Variants in PLXNA1 observed in about 807,000 individuals in gnomAD.
PLXNA1 encodes the protein plexin A1.
In PLXNA1, 77 loss-of-function variants were observed where a neutral mutation model predicts 191.7. The ratio of observed to expected loss-of-function variants is 0.40; its 90% CI spans 0.33 to 0.49. The LOEUF is 0.49. PLXNA1 is among the 20% of genes least tolerant of loss of function. The probability of loss-of-function intolerance (pLI) is 0.63; values close to 1 mark genes in which losing one functional copy is unlikely to be tolerated. For synonymous variants in PLXNA1, 1,137 were observed against 1,156.4 expected (o/e 0.98, Z 0.34); for missense variants, 2,110 against 2,660.2 (o/e 0.79, Z 4.55).
At chr3:127,011,041 C>T (rs1559960055) in intron 9 of PLXNA1, among the ~76,000 whole-genome samples, 1 of 152,212 alleles carries the variant, frequency 6.6e-6, no homozygotes, top group Non-Finnish European at 1.5e-5. Context: ...GGTGAGACTC[C>T]AGCCTGAGCC....
At chr3:127,031,373 G>T (rs1184436450) in intron 29 of PLXNA1, among the ~76,000 whole-genome samples, 2 of 152,196 alleles carry the variant, frequency 1.3e-5, no homozygotes, top group East Asian at 3.9e-4. Flanking sequence ...CATGGCCGAG[G>T]GCTTCTGGGG....
chr3:127,000,548 C>T (rs1292519871), intron 3 of PLXNA1, among the ~76,000 whole-genome samples: 1 of 152,208 alleles, frequency 6.6e-6, no homozygotes, highest in African/African-American at 2.4e-5. Flanking sequence ...GTACTGGCTC[C>T]CCCTTCCCAC....
intron 20 of PLXNA1, among the ~76,000 whole-genome samples, chr3:127,019,397 T>A (rs1333061416): frequency 6.6e-6 from 1 of 152,130 alleles, no homozygotes; most frequent in Non-Finnish European, 1.5e-5. Context: ...CTGGTGGGAC[T>A]GGAGGCAGGT....
chr3:127,016,939 T>TA lies in PLXNA1; in HGVS notation c.3183-5_3183-4insA. ...GGTGACCCCCCCACCCCTGTCCTGT[T>TA]CCAGCGGTGGGACCCTCCTGACGGT... On this transcript the variant is annotated splice_polypyrimidine_tract_variant and splice_region_variant and intron_variant, in intron 16 of 31. Coordinates refer to ENST00000393409, the MANE Select transcript of PLXNA1 (RefSeq NM_032242.4). The TA allele has an allele frequency of 6.2e-7, 1 of 1,610,840 alleles. No homozygotes were observed. The highest frequency in any genetic ancestry group is 8.5e-7 in the Non-Finnish European group (1 of 1,178,036).
intron 1 of PLXNA1, among the ~76,000 whole-genome samples, chr3:126,986,293 C>T (rs886354016): frequency 9.9e-5 from 15 of 152,150 alleles, no homozygotes; most frequent in Admixed American, 6.5e-5. Flanking sequence ...AGCTCTGAGG[C>T]GGGGGCGGGA....
chr3:127,020,489 G>A (rs2079147101), intron 21 of PLXNA1, 145 bp downstream of exon 21: 2 of 1,019,470 alleles, frequency 2.0e-6, no homozygotes, highest in Non-Finnish European at 1.4e-6. Flanking sequence ...TCTGGGCTCA[G>A]CCAAGTGGGG....
intron 2 of PLXNA1, 46 bp downstream of exon 2, chr3:126,989,833 C>T: frequency 6.7e-7 from 1 of 1,490,218 alleles, no homozygotes. Flanking sequence ...CCATCCCCTC[C>T]AGGGACGACG....
At position 127,010,253 on chromosome 3, in the gene PLXNA1, T is replaced by G. The variant is rs115516512; in HGVS notation, c.2113-1705T>G. On this transcript the variant is annotated intron_variant, in intron 9 of 31. Transcript: ENST00000393409. ...GCCTTTTACCGGGGAGACTATGCAC[T>G]GGGGAAGAGGCTGTAATCAGAGCCT... 6.9e-3 allele frequency among the ~76,000 whole-genome samples: 1,055 copies of G among 152,216 alleles called. 12 individuals are homozygous for G. Among genetic ancestry groups the G allele is most frequent in the African/African-American group, 0.024 (1,004 of 41,514 alleles).
rs745637235 is a variant in PLXNA1 at position 127,017,488 on chromosome 3, C to T, written c.3340C>T (p.Arg1114Cys). Residue 1114 changes from arginine to cysteine, a missense_variant, in exon 18 of 32, where the codon CGC becomes TGC. By Grantham distance (180) the Arg-to-Cys change is radical. This residue lies in a region of PLXNA1 where 644 missense variants were observed against 714.3 expected (regional missense o/e 0.90). Coordinates refer to ENST00000393409, the MANE Select transcript of PLXNA1 (RefSeq NM_032242.4). ...CGCCCCGTCTGTGGCCAACCCTGTG[C>T]GCAGCCCACCAGAGCTGGGGGAGCG... Reference protein sequence around the residue: ...CRAPSVANPVRSPPELGERPD... With the variant: ...CRAPSVANPVCSPPELGERPD... 51 of 1,613,420 alleles carry T rather than the reference C, an allele frequency of 3.2e-5. No homozygotes were observed. The highest frequency in any genetic ancestry group is 9.3e-5 in the African/African-American group (7 of 74,940).
At position 127,004,603 on chromosome 3, in the gene PLXNA1, C is replaced by A. The variant is rs1434048788; in HGVS notation, c.1519-8C>A. 6.4e-7 allele frequency: 1 copy of A among 1,559,972 alleles called. No homozygotes were observed. Among genetic ancestry groups the A allele is most frequent in the Non-Finnish European group, 8.7e-7 (1 of 1,151,416 alleles). On this transcript the variant is annotated splice_region_variant and splice_polypyrimidine_tract_variant and intron_variant, in intron 4 of 31. Coordinates refer to ENST00000393409, the MANE Select transcript of PLXNA1 (RefSeq NM_032242.4). ...TACTGGAGGGGCCTGACACCTCCCCCACACCAGGTGACGCGGGTGCCTGTG... is the reference window on the plus strand; with the variant it reads ...TACTGGAGGGGCCTGACACCTCCCCAACACCAGGTGACGCGGGTGCCTGTG...
chr3:126,995,024 C>T (rs1006882209), intron 3 of PLXNA1, among the ~76,000 whole-genome samples: 18 of 152,148 alleles, frequency 1.2e-4, no homozygotes, highest in African/African-American at 3.9e-4. Context: ...GCTTACCACT[C>T]CCTGTCTTTC....
chr3:127,000,238 T>C (rs896129952), intron 3 of PLXNA1, among the ~76,000 whole-genome samples: 9 of 151,988 alleles, frequency 5.9e-5, no homozygotes, highest in Admixed American at 1.3e-4. Flanking sequence ...AGGTGACAGC[T>C]GGGGGAAGAT....
chr3:126,989,825 A>G, intron 2 of PLXNA1, 38 bp downstream of exon 2: 1 of 1,527,652 alleles, frequency 6.5e-7, no homozygotes, highest in South Asian at 1.2e-5. Flanking sequence ...CCGCGGCCCC[A>G]TCCCCTCCAG....
At chr3:126,991,657 A>T (rs1006853617) in intron 3 of PLXNA1, 91 bp downstream of exon 3, 1 of 1,324,630 alleles carries the variant, frequency 7.5e-7, no homozygotes, top group Non-Finnish European at 1.0e-6. Context: ...GTGCTGCTGT[A>T]TGCTGTGGGA....
At chr3:127,005,994 G>A (rs1421760854) in intron 7 of PLXNA1, 85 bp from the exon 8 acceptor site, 1 of 998,772 alleles carries the variant, frequency 1.0e-6, no homozygotes, top group Non-Finnish European at 1.6e-6. Flanking sequence ...AGGGTCTCCG[G>A]GCAAGTTGTT....
At chr3:127,018,722 G>T (rs1354710428) in intron 20 of PLXNA1, among the ~76,000 whole-genome samples, 194 bp downstream of exon 20, 1 of 152,246 alleles carries the variant, frequency 6.6e-6, no homozygotes, top group Non-Finnish European at 1.5e-5. Context: ...CCTGCAGCAG[G>T]TACCACCTCC....
intron 3 of PLXNA1, among the ~76,000 whole-genome samples, chr3:126,992,273 C>G (rs942828722): frequency 2.0e-5 from 3 of 152,064 alleles, no homozygotes; most frequent in Non-Finnish European, 4.4e-5. Flanking sequence ...CCAGGCTGGC[C>G]TGGTGTGGAG....
Position 127,028,213 on chromosome 3 carries a change from T to C in PLXNA1, c.4542T>C (p.Asn1514=). The change falls in exon 25 of 32, where the codon AAT becomes AAC. Residue 1514 remains asparagine, a synonymous_variant. Coordinates refer to ENST00000393409, the MANE Select transcript of PLXNA1 (RefSeq NM_032242.4). ...ACTGTGTGAACCCTGAGAATGAGAA[T>C]GCACCTGAGGTGCCGGTGAAGGGGC... is the stretch of plus-strand genomic sequence containing the variant. ...TLNCVNPENE[N]APEVPVKGLD... is the part of the protein sequence containing the mutation. The C allele has an allele frequency of 6.2e-7, 1 of 1,613,158 alleles. No individual in the cohort carries two copies. Among genetic ancestry groups the C allele is most frequent in the Non-Finnish European group, 8.5e-7 (1 of 1,179,982 alleles).
chr3:127,002,208 C>T lies in PLXNA1; in HGVS notation c.1378-1122C>T, dbSNP rs1306345014. On this transcript the variant is annotated intron_variant, in intron 3 of 31. Coordinates refer to ENST00000393409, the MANE Select transcript of PLXNA1 (RefSeq NM_032242.4). ...AGTGCAGCTGGGCCCATCCTGGCCG[C>T]CTCTTCCCCTGCCCAGCTTTGGGCT... 1.3e-5 allele frequency among the ~76,000 whole-genome samples: 2 copies of T among 152,354 alleles called. 1 individual carries two copies. The highest frequency in any genetic ancestry group is 3.9e-4 in the East Asian group (2 of 5,188).
Sources: allele counts gnomAD v4.1 joint callset (sites outside exome capture counted in the v4.1 genomes callset), GRCh38; gene constraint gnomAD v4.1.1; regional missense constraint gnomAD v4.1.1; transcripts MANE v1.5; gene names NCBI Gene and HGNC (gene_info 2026-07-23, HGNC 2026-07-21).